GRIK1: variants seen among roughly 807,000 people sequenced by gnomAD.
GRIK1 encodes glutamate ionotropic receptor kainate type subunit 1.
A neutral mutation model predicts 105.7 loss-of-function variants in GRIK1; 69 were observed. The observed-to-expected ratio is 0.65, with a 90% CI of 0.54 to 0.80. The LOEUF (loss-of-function observed/expected upper bound fraction) is 0.80. Among genes scored for constraint, GRIK1 ranks in the 30% least tolerant of loss-of-function variants. GRIK1 has a pLI of 0.00. For synonymous variants in GRIK1, 438 were observed against 431.3 expected (o/e 1.02, Z -0.19); for missense variants, 1,109 against 1,167.3 (o/e 0.95, Z 0.73).
At chr21:29,928,778 T>C (rs1484046549) in intron 1 of GRIK1, among the ~76,000 whole-genome samples, 1 of 152,162 alleles carries the variant, frequency 6.6e-6, no homozygotes, top group Non-Finnish European at 1.5e-5. Context: ...TAGAGGCTGA[T>C]ACCCAGGACC....
intron 1 of GRIK1, among the ~76,000 whole-genome samples, chr21:29,803,747 T>C (rs1368330062): frequency 6.6e-6 from 1 of 151,950 alleles, no homozygotes; most frequent in Non-Finnish European, 1.5e-5. Context: ...AAAAATATGT[T>C]TTTTTTTCCC....
chr21:29,654,481 G>A (rs891590963), intron 5 of GRIK1, among the ~76,000 whole-genome samples: 5 of 152,082 alleles, frequency 3.3e-5, no homozygotes, highest in African/African-American at 9.7e-5. Context: ...ACCTTCTAAT[G>A]TATATAAAAA....
At chr21:29,544,180 A>G (rs1182890531) in intron 16 of GRIK1, among the ~76,000 whole-genome samples, 1 of 152,216 alleles carries the variant, frequency 6.6e-6, no homozygotes, top group Non-Finnish European at 1.5e-5. Context: ...CATCAGATAC[A>G]CAAGTGTCTT....
chr21:29,580,160 CATAT>C (rs138103244), intron 13 of GRIK1, among the ~76,000 whole-genome samples: 1,790 of 143,504 alleles, frequency 0.012, 48 homozygotes, highest in African/African-American at 0.044. Context: ...TATACACATA[CATAT>C]ATATATATAT....
rs34939329 is a variant in GRIK1 at position 29,550,107 on chromosome 21, C to CAAAAAAAAAAAAAAAA, written c.2607+4929_2607+4944dup. Among the ~76,000 whole-genome samples, 12 of 53,486 alleles carry CAAAAAAAAAAAAAAAA rather than the reference C, an allele frequency of 2.2e-4. 1 individual carries two copies. The highest frequency in any genetic ancestry group is 9.4e-4 in the African/African-American group (11 of 11,748). 35.1% of individuals were successfully genotyped at this position (53,486 alleles called of 152,430 possible). ...TGGGCGACAGAGAAAGACTCCATCT[C>CAAAAAAAAAAAAAAAA]AAAAAAAAAAAAAAAAAAAAAAAAA... is the stretch of plus-strand genomic sequence containing the variant. On this transcript the variant is annotated intron_variant, in intron 16 of 17. Coordinates refer to ENST00000327783, the MANE Select transcript of GRIK1 (RefSeq NM_001330994.2).
intron 3 of GRIK1, among the ~76,000 whole-genome samples, chr21:29,676,468 C>A (rs929805284): frequency 2.0e-5 from 3 of 152,182 alleles, no homozygotes; most frequent in African/African-American, 7.2e-5. Context: ...TTGCAGCAAT[C>A]CATCAGTCAT....
At chr21:29,565,164 C>T (rs1358636063) in intron 14 of GRIK1, among the ~76,000 whole-genome samples, 1 of 152,116 alleles carries the variant, frequency 6.6e-6, no homozygotes, top group South Asian at 2.1e-4. Flanking sequence ...TTCCTTTGAC[C>T]CCTTGCTATT....
chr21:29,811,145 C>T (rs898729833), intron 1 of GRIK1, among the ~76,000 whole-genome samples: 1 of 152,002 alleles, frequency 6.6e-6, no homozygotes, highest in Non-Finnish European at 1.5e-5. Flanking sequence ...GGCATTCCAT[C>T]GCATTCTTGG....
chr21:29,727,979 C>A (rs1008311966), intron 1 of GRIK1, among the ~76,000 whole-genome samples: 1 of 152,128 alleles, frequency 6.6e-6, no homozygotes, highest in African/African-American at 2.4e-5. Flanking sequence ...ACAGCAGATC[C>A]GCCCTCCCTC....
intron 1 of GRIK1, among the ~76,000 whole-genome samples, chr21:29,894,394 A>C (rs141694726): frequency 3.5e-4 from 54 of 152,220 alleles, no homozygotes; most frequent in African/African-American, 1.3e-3. Flanking sequence ...AGCTGAAGAA[A>C]TTGGAGTCTG....
intron 1 of GRIK1, among the ~76,000 whole-genome samples, chr21:29,797,758 T>C (rs2066597731): frequency 6.6e-6 from 1 of 152,216 alleles, no homozygotes; most frequent in African/African-American, 2.4e-5. Context: ...ACACAATGCC[T>C]GAGCTTGTCA....
At chr21:29,625,140 G>A (rs2062095331) in intron 7 of GRIK1, among the ~76,000 whole-genome samples, 1 of 152,174 alleles carries the variant, frequency 6.6e-6, no homozygotes, top group Non-Finnish European at 1.5e-5. Context: ...TGTGAATAAT[G>A]CAATATAAAG....
chr21:29,803,740 AAT>A (rs1213718433), intron 1 of GRIK1, among the ~76,000 whole-genome samples: 1 of 151,790 alleles, frequency 6.6e-6, no homozygotes, highest in East Asian at 1.9e-4. Flanking sequence ...GAGGAAAAAA[AAT>A]ATGTTTTTTT....
chr21:29,620,932 GCT>G lies in GRIK1; in HGVS notation c.1098+21892_1098+21893del, dbSNP rs554189202. 1.7e-3 allele frequency among the ~76,000 whole-genome samples: 232 copies of G among 140,596 alleles called. 1 individual carries two copies. The highest frequency in any genetic ancestry group is 5.7e-3 in the African/African-American group (217 of 37,756). The allele number at this position is 140,596 out of a possible 152,430, so 92.2% of individuals were successfully genotyped here. On this transcript the variant is annotated intron_variant, in intron 7 of 17. Transcript: ENST00000327783. Reference sequence around the variant, plus strand: ...GTAATTAATTCTATATTCTATATATGCTCTCTGTATATATTATTTATATAATT... The same window carrying G: ...GTAATTAATTCTATATTCTATATATGCTCTGTATATATTATTTATATAATT...
chr21:29,777,171 G>T (rs1373035480), intron 1 of GRIK1, among the ~76,000 whole-genome samples: 1 of 152,166 alleles, frequency 6.6e-6, no homozygotes, highest in Non-Finnish European at 1.5e-5. Context: ...TGAGCTTGAG[G>T]TGTCAGTACT....
chr21:29,688,779 G>A (rs1014785844), intron 3 of GRIK1, among the ~76,000 whole-genome samples: 2 of 152,146 alleles, frequency 1.3e-5, no homozygotes, highest in African/African-American at 4.8e-5. Flanking sequence ...AAATTTGCGT[G>A]CGGTCGTGGA....
At chr21:29,743,197 G>A (rs1180474001) in intron 1 of GRIK1, among the ~76,000 whole-genome samples, 9 of 152,094 alleles carry the variant, frequency 5.9e-5, no homozygotes, top group Non-Finnish European at 1.3e-4. Flanking sequence ...TGGCAGAATG[G>A]TGTCAAGTGA....
intron 1 of GRIK1, among the ~76,000 whole-genome samples, chr21:29,803,654 T>C (rs16985028): frequency 0.017 from 2,659 of 152,202 alleles, 71 homozygotes; most frequent in African/African-American, 0.056. Context: ...GCTAGCTAAC[T>C]TCCTAACTCT....
intron 7 of GRIK1, among the ~76,000 whole-genome samples, chr21:29,620,808 T>TATATATATATATATATATATAG (rs2061978720): frequency 5.7e-5 from 7 of 122,606 alleles, no homozygotes; most frequent in Non-Finnish European, 9.7e-5. Flanking sequence ...TATATATAGA[T>TATATATATATATATATATATAG]ATATATATAT....
Sources: gnomAD v4.1 joint callset for allele counts (sites outside exome capture counted in the v4.1 genomes callset) on GRCh38, gnomAD v4.1.1 for gene constraint, MANE v1.5 for transcripts, NCBI Gene and HGNC (gene_info 2026-07-23, HGNC 2026-07-21) for gene names.